TMTC2: variants seen among roughly 807,000 people sequenced by gnomAD.
The protein encoded by TMTC2 is transmembrane O-mannosyltransferase targeting cadherins 2, also known as protein O-mannosyl-transferase TMTC2.
A neutral mutation model predicts 82.4 loss-of-function variants in TMTC2; 43 were observed. The observed-to-expected ratio is 0.52, with a 90% CI of 0.41 to 0.67. The LOEUF is 0.67. Ranked by LOEUF, TMTC2 falls within the 30% of genes least tolerant of loss-of-function variation. The pLI is 0.00. For synonymous variants in TMTC2, 408 were observed against 381.9 expected, an observed-to-expected ratio of 1.07 and a Z score of -0.80; for missense variants, 919 against 1,012.4, an observed-to-expected ratio of 0.91 and a Z score of 1.25.
chr12:82,768,465 T>C (rs912000546), intron 1 of TMTC2, among the ~76,000 whole-genome samples: 1 of 152,222 alleles, frequency 6.6e-6, no homozygotes, highest in Non-Finnish European at 1.5e-5. Flanking sequence ...TGCTAAATAG[T>C]GTGCGTCCCA....
intron 4 of TMTC2, among the ~76,000 whole-genome samples, chr12:82,941,964 T>C (rs1876743018): frequency 6.6e-6 from 1 of 152,172 alleles, no homozygotes; most frequent in Non-Finnish European, 1.5e-5. Flanking sequence ...CAGGCTGGCC[T>C]TGAACTCCTG....
chr12:82,721,217 G>A (rs1874190240), intron 1 of TMTC2, among the ~76,000 whole-genome samples: 1 of 152,172 alleles, frequency 6.6e-6, no homozygotes, highest in South Asian at 2.1e-4. Context: ...TCTTCTAGAA[G>A]AGTATTTACT....
chr12:82,837,478 T>C (rs1388396203), intron 1 of TMTC2, among the ~76,000 whole-genome samples: 2 of 152,162 alleles, frequency 1.3e-5, no homozygotes, highest in Admixed American at 1.3e-4. Context: ...GATGATGACC[T>C]CTCAGGAGAC....
At chr12:83,125,644 C>A (rs958014152) in intron 11 of TMTC2, among the ~76,000 whole-genome samples, 1 of 152,104 alleles carries the variant, frequency 6.6e-6, no homozygotes, top group Non-Finnish European at 1.5e-5. Flanking sequence ...TATACTTTTA[C>A]CAGTTGAGAA....
At chr12:82,715,205 G>A (rs1873837808) in intron 1 of TMTC2, among the ~76,000 whole-genome samples, 1 of 151,598 alleles carries the variant, frequency 6.6e-6, no homozygotes, top group Admixed American at 6.6e-5. Context: ...GAGAGGTGGA[G>A]GTTGCAGTGA....
At chr12:83,103,812 T>A (rs1884307027) in intron 11 of TMTC2, among the ~76,000 whole-genome samples, 1 of 152,212 alleles carries the variant, frequency 6.6e-6, no homozygotes, top group Admixed American at 6.5e-5. Flanking sequence ...CATAATCTCA[T>A]CTGACATAAG....
At chr12:82,967,235 C>A (rs1878252567) in intron 7 of TMTC2, among the ~76,000 whole-genome samples, 1 of 152,004 alleles carries the variant, frequency 6.6e-6, no homozygotes, top group Non-Finnish European at 1.5e-5. Flanking sequence ...TTGCAAGGGA[C>A]TCTCAAAAAC....
chr12:82,995,543 C>T (rs1879581875), intron 8 of TMTC2, among the ~76,000 whole-genome samples: 1 of 152,158 alleles, frequency 6.6e-6, no homozygotes, highest in South Asian at 2.1e-4. Context: ...ATGAAGCCTG[C>T]AGAGCTATGG....
At chr12:82,974,934 G>A (rs567668990) in intron 7 of TMTC2, among the ~76,000 whole-genome samples, 7 of 152,222 alleles carry the variant, frequency 4.6e-5, no homozygotes, top group South Asian at 2.1e-4. Context: ...CAAGGGAGAC[G>A]GGAGAGAGAG....
chr12:82,930,274 C>A (rs1565814495), intron 3 of TMTC2, among the ~76,000 whole-genome samples, 157 bp from the exon 4 acceptor site: 1 of 152,050 alleles, frequency 6.6e-6, no homozygotes, highest in African/African-American at 2.4e-5. Context: ...AATCTCCTGG[C>A]CTGATGAAAT....
intron 1 of TMTC2, among the ~76,000 whole-genome samples, chr12:82,761,797 C>G (rs1172900987): frequency 1.3e-5 from 2 of 152,126 alleles, no homozygotes; most frequent in African/African-American, 4.8e-5. Flanking sequence ...TAAACAGACC[C>G]TTAGAAATCT....
intron 3 of TMTC2, among the ~76,000 whole-genome samples, chr12:82,899,491 A>T (rs1050206117): frequency 4.0e-5 from 6 of 149,676 alleles, no homozygotes; most frequent in African/African-American, 1.5e-4. Context: ...GGCCTGGGTG[A>T]CCACCATCTT....
At chr12:82,986,956 C>A (rs563319402) in intron 8 of TMTC2, among the ~76,000 whole-genome samples, 1 of 152,088 alleles carries the variant, frequency 6.6e-6, no homozygotes, top group East Asian at 1.9e-4. Flanking sequence ...AGTTATAGTA[C>A]CTAATCTCTC....
chr12:82,744,779 A>T (rs1406405756), intron 1 of TMTC2, among the ~76,000 whole-genome samples: 1 of 152,208 alleles, frequency 6.6e-6, no homozygotes, highest in East Asian at 1.9e-4. Flanking sequence ...AGGGGCTAGC[A>T]GAAGGTTGCT....
At chr12:83,031,433 A>G (rs1036472057) in intron 9 of TMTC2, among the ~76,000 whole-genome samples, 1 of 152,138 alleles carries the variant, frequency 6.6e-6, no homozygotes, top group African/African-American at 2.4e-5. Flanking sequence ...ATGAGGCTAC[A>G]TAACAACTCT....
intron 1 of TMTC2, among the ~76,000 whole-genome samples, chr12:82,697,874 G>A (rs1346517524): frequency 6.6e-6 from 1 of 152,168 alleles, no homozygotes; most frequent in Non-Finnish European, 1.5e-5. Context: ...AACCCATTTT[G>A]AGGAAATTTG....
At chr12:82,894,758 C>T (rs1324788417) in intron 2 of TMTC2, among the ~76,000 whole-genome samples, 1 of 152,048 alleles carries the variant, frequency 6.6e-6, no homozygotes, top group African/African-American at 2.4e-5. Flanking sequence ...AATTTTTTGT[C>T]ATTCTCTTGA....
rs181917380 is a variant in TMTC2, at chr12:82,991,933, T to C, written c.2070+5887T>C. Among the ~76,000 whole-genome samples the C allele has an allele frequency of 3.8e-3, 580 of 152,342 alleles. 6 individuals are homozygous for C. Among genetic ancestry groups the C allele is most frequent in the Admixed American group, 0.031 (477 of 15,294 alleles). On this transcript the variant is annotated intron_variant, in intron 8 of 11. Transcript: ENST00000321196. ...CAGTTTTGTGAGCCAATAAAATTAA[T>C]ATTGACTTAAATTGTAGTAAAAGTT...
intron 11 of TMTC2, among the ~76,000 whole-genome samples, chr12:83,118,790 T>C (rs1884853558): frequency 6.6e-6 from 1 of 152,194 alleles, no homozygotes; most frequent in African/African-American, 2.4e-5. Flanking sequence ...CATCTGGACC[T>C]GGACTTTTTT....
Sources: gnomAD v4.1 joint callset for allele counts (sites outside exome capture counted in the v4.1 genomes callset) on GRCh38, gnomAD v4.1.1 for gene constraint, MANE v1.5 for transcripts, NCBI Gene and HGNC (gene_info 2026-07-23, HGNC 2026-07-21) for gene names.